Variants in CLASP2 observed in about 807,000 individuals in gnomAD.
The protein encoded by CLASP2 is CLIP-associating protein 2.
CLASP2 carries 47 observed loss-of-function variants against 194.4 expected under a neutral mutation model. That is an observed-to-expected ratio of 0.24 (90% confidence interval 0.19 to 0.31). CLASP2 has a LOEUF of 0.31. Among genes scored for constraint, CLASP2 ranks in the 10% least tolerant of loss-of-function variants. The pLI is 1.00. For missense variants in CLASP2, 1,445 were observed against 1,823.6 expected (o/e 0.79, Z 3.78); for synonymous variants, 619 against 633.5 (o/e 0.98, Z 0.34).
intron 1 of CLASP2, 44 bp from the exon 2 acceptor site, chr3:33,696,977 A>T: frequency 3.1e-6 from 3 of 962,432 alleles, no homozygotes; most frequent in Non-Finnish European, 4.8e-6. Context: ...TTACTGATGC[A>T]TACTTTAATA....
intron 33 of CLASP2, among the ~76,000 whole-genome samples, chr3:33,536,255 C>CAAAA: frequency 7.3e-6 from 1 of 137,104 alleles, no homozygotes; most frequent in African/African-American, 2.7e-5. Context: ...AGGGACAGAC[C>CAAAA]AAAAAAAAAA....
rs1441276279 is a variant in CLASP2, at chr3:33,498,552, T to C, written c.*79A>G. The C allele has an allele frequency of 4.4e-6, 4 of 904,564 alleles. No homozygotes were observed. The highest frequency in any genetic ancestry group is 7.1e-6 in the Non-Finnish European group (4 of 565,944). The allele number at this position is 904,564 out of a possible 1,614,324, so 56.0% of individuals were successfully genotyped here. On this transcript the variant is annotated 3_prime_UTR_variant, in exon 39 of 39. Coordinates refer to ENST00000682230, the MANE Select transcript of CLASP2 (RefSeq NM_001365631.1). ...CAATAGTAAGTTCCAAAGGATGTGT[T>C]TGAGAACTTCCTTTCATTGATGAGG...
chr3:33,714,600 C>T (rs1264925475), intron 1 of CLASP2, among the ~76,000 whole-genome samples: 6 of 152,136 alleles, frequency 3.9e-5, no homozygotes, highest in African/African-American at 1.4e-4. Context: ...ACCACCAAAT[C>T]ACAGCCCAAA....
chr3:33,599,367 C>A (rs9713634), intron 18 of CLASP2, among the ~76,000 whole-genome samples: 14,153 of 152,164 alleles, frequency 0.093, 962 homozygotes, highest in Middle Eastern at 0.16. Flanking sequence ...AAGCAATTCA[C>A]CCGCCTCAAC....
At chr3:33,572,287 T>G (rs1191343589) in intron 25 of CLASP2, among the ~76,000 whole-genome samples, 1 of 152,192 alleles carries the variant, frequency 6.6e-6, no homozygotes, top group Non-Finnish European at 1.5e-5. Context: ...GGGAACAATA[T>G]TATGATGGTG....
chr3:33,702,286 T>A (rs1415072176), intron 1 of CLASP2, among the ~76,000 whole-genome samples: 1 of 152,054 alleles, frequency 6.6e-6, no homozygotes, highest in Admixed American at 6.6e-5. Context: ...AGAAGAGAAA[T>A]ATAAATTAAT....
At chr3:33,636,766 A>C (rs904690640) in intron 8 of CLASP2, among the ~76,000 whole-genome samples, 9 of 152,078 alleles carry the variant, frequency 5.9e-5, no homozygotes, top group African/African-American at 2.2e-4. Flanking sequence ...ACTCCCAGCT[A>C]ATTTTTGTAT....
chr3:33,597,961 C>T (rs1457474153), intron 18 of CLASP2, among the ~76,000 whole-genome samples: 1 of 151,940 alleles, frequency 6.6e-6, no homozygotes, highest in African/African-American at 2.4e-5. Flanking sequence ...CCATGTTGGC[C>T]AGGCTGATCT....
chr3:33,507,480 C>T (rs969226916), intron 37 of CLASP2, among the ~76,000 whole-genome samples: 1 of 152,024 alleles, frequency 6.6e-6, no homozygotes, highest in East Asian at 1.9e-4. Context: ...GAAAAGAAAA[C>T]TTTTAATTTT....
chr3:33,641,508 T>A (rs1299153053), intron 8 of CLASP2, among the ~76,000 whole-genome samples: 1 of 151,908 alleles, frequency 6.6e-6, no homozygotes, highest in Non-Finnish European at 1.5e-5. Flanking sequence ...CTCCTTGGCT[T>A]AAAGGCTACA....
intron 27 of CLASP2, among the ~76,000 whole-genome samples, chr3:33,561,180 A>T (rs1294345573): frequency 7.9e-5 from 12 of 152,204 alleles, no homozygotes. Flanking sequence ...GAAGTTCGAC[A>T]ATTAGCTACT....
chr3:33,520,239 C>T (rs552524169), intron 34 of CLASP2, among the ~76,000 whole-genome samples: 2 of 152,170 alleles, frequency 1.3e-5, no homozygotes, highest in Non-Finnish European at 2.9e-5. Flanking sequence ...CTCCTGACCT[C>T]GGGTGATCTG....
intron 32 of CLASP2, among the ~76,000 whole-genome samples, chr3:33,542,780 C>A (rs1042617346): frequency 6.6e-6 from 1 of 151,934 alleles, no homozygotes; most frequent in African/African-American, 2.4e-5. Flanking sequence ...TAACTGACCT[C>A]ATCACCACTT....
Position 33,573,053 on chromosome 3 carries a change from G to C in CLASP2, c.2699+57C>G, listed in dbSNP as rs2064114066. The C allele has an allele frequency of 2.5e-6, 4 of 1,591,664 alleles. No homozygotes were observed. The East Asian group carries it at 9.0e-5, about 36-fold the overall frequency. ...ATCTCTAAAGTGTTATAGAAACAAA[G>C]TAAAATCAAAAAGCGCTAACCTGAT... On this transcript the variant is annotated intron_variant, in intron 25 of 38. Coordinates refer to ENST00000682230, the MANE Select transcript of CLASP2 (RefSeq NM_001365631.1).
intron 12 of CLASP2, among the ~76,000 whole-genome samples, chr3:33,615,944 G>C (rs530306614): frequency 6.6e-6 from 1 of 151,014 alleles, no homozygotes; most frequent in East Asian, 1.9e-4. Context: ...AAACTCAGAA[G>C]AAAACCCAAA....
chr3:33,716,409 C>T (rs1365011320), intron 1 of CLASP2, among the ~76,000 whole-genome samples: 2 of 152,170 alleles, frequency 1.3e-5, no homozygotes, highest in Non-Finnish European at 2.9e-5. Flanking sequence ...AGCGTGATTG[C>T]TCAACTGTCA....
intron 6 of CLASP2, among the ~76,000 whole-genome samples, chr3:33,677,426 T>G (rs2088920794): frequency 6.6e-6 from 1 of 151,192 alleles, no homozygotes; most frequent in Admixed American, 6.6e-5. Context: ...AAGTTGGAAA[T>G]CATCATTCTC....
chr3:33,510,909 T>C, intron 36 of CLASP2, 145 bp from the exon 37 acceptor site: 2 of 725,642 alleles, frequency 2.8e-6, no homozygotes, highest in Non-Finnish European at 4.4e-6. Context: ...AAAGTGAGGG[T>C]ACAGATTACT....
intron 18 of CLASP2, 58 bp downstream of exon 18, chr3:33,602,894 G>A: frequency 1.4e-6 from 2 of 1,467,998 alleles, no homozygotes; most frequent in African/African-American, 1.4e-5. Flanking sequence ...ATATGAACTT[G>A]TCTTCACAGA....
Sources: gnomAD v4.1 joint callset for allele counts (sites outside exome capture counted in the v4.1 genomes callset) on GRCh38, gnomAD v4.1.1 for gene constraint, MANE v1.5 for transcripts, NCBI Gene and HGNC (gene_info 2026-07-23, HGNC 2026-07-21) for gene names.